NSD3: variants seen among roughly 807,000 people sequenced by gnomAD.
NSD3 encodes histone-lysine N-methyltransferase NSD3.
A neutral mutation model predicts 160.8 loss-of-function variants in NSD3; 24 were observed. That is an observed-to-expected ratio of 0.15 (90% CI 0.11 to 0.21). NSD3 has a LOEUF of 0.21. Among genes scored for constraint, NSD3 ranks in the 10% least tolerant of loss-of-function variants. The pLI is 1.00. For missense variants in NSD3, 1,157 were observed against 1,735.9 expected (o/e 0.67, Z 5.93); for synonymous variants, 520 against 600.0 (o/e 0.87, Z 1.95).
At chr8:38,287,713 C>T (rs981506581) in intron 19 of NSD3, among the ~76,000 whole-genome samples, 3 of 150,658 alleles carry the variant, frequency 2.0e-5, no homozygotes, top group Non-Finnish European at 2.9e-5. Flanking sequence ...AGTGCGGTGG[C>T]ACGATCTCAA....
At position 38,305,426 on chromosome 8, in the gene NSD3, C is replaced by T. The variant is rs370657767; in HGVS notation, c.2262G>A (p.Ser754=). The change falls in exon 13 of 24, where the codon TCG becomes TCA. Residue 754 remains serine (S), a synonymous_variant. Transcript: ENST00000317025. ...TCACATCTTTACCAGACACTTTACA[C>T]GAAAAACATGGGTGCTGCCCTGGAA... ...ECKTGQHPCF[S]CKVSGKDVKR... The T allele has an allele frequency of 1.5e-4, 241 of 1,613,986 alleles. 1 individual carries two copies. Among genetic ancestry groups the T allele is most frequent in the African/African-American group, 1.3e-3 (99 of 74,984 alleles).
At chr8:38,362,174 G>C (rs1810982433) in intron 1 of NSD3, among the ~76,000 whole-genome samples, 1 of 139,718 alleles carries the variant, frequency 7.2e-6, no homozygotes, top group Admixed American at 8.1e-5. Context: ...GTTCATCCTT[G>C]AATTCCCAGA....
intron 1 of NSD3, among the ~76,000 whole-genome samples, chr8:38,351,446 C>T (rs536872762): frequency 1.3e-5 from 2 of 150,840 alleles, no homozygotes; most frequent in African/African-American, 2.4e-5. Flanking sequence ...GGGTGGATCA[C>T]GAGGTCAGGA....
chr8:38,368,720 T>C (rs1009953691), intron 1 of NSD3, among the ~76,000 whole-genome samples: 3 of 152,214 alleles, frequency 2.0e-5, no homozygotes, highest in African/African-American at 4.8e-5. Flanking sequence ...CTTCGCTTTG[T>C]TGCTGACCAC....
chr8:38,365,390 T>A (rs1399834730), intron 1 of NSD3, among the ~76,000 whole-genome samples: 3 of 152,236 alleles, frequency 2.0e-5, no homozygotes, highest in Non-Finnish European at 4.4e-5. Context: ...AAGATTCTAG[T>A]CTCATGGAGC....
chr8:38,317,134 CTGAG>C lies in NSD3; in HGVS notation c.1856-1096_1856-1093del, dbSNP rs994400992. 2 of 1,062,524 alleles carry C rather than the reference CTGAG, an allele frequency of 1.9e-6. No homozygotes were observed. The highest frequency in any genetic ancestry group is 2.3e-6 in the Non-Finnish European group (2 of 877,552). The allele number at this position is 1,062,524 out of a possible 1,614,324, so 65.8% of individuals were successfully genotyped here. On this transcript the variant is annotated intron_variant, in intron 9 of 23. Transcript: ENST00000317025. The surrounding 1 kb of genome is among the most constrained non-coding windows in gnomAD (Gnocchi z 5.3). ...TGAGGCCATGAAGATCCGCAACAGG[CTGAG>C]TGAGAGTAGCACTTGGAACATAGCC...
Position 38,305,416 on chromosome 8 carries a change from A to G in NSD3, c.2272T>C (p.Ser758Pro), listed in dbSNP as rs538975607. 25 of 1,614,054 alleles carry G rather than the reference A, an allele frequency of 1.5e-5. No homozygotes were observed. The highest frequency in any genetic ancestry group is 2.1e-5 in the Non-Finnish European group (25 of 1,180,034). ...GQHPCFSCKV[S>P]GKDVKRCSVG... Reference sequence around the variant, plus strand: ...GAACAACGCTTCACATCTTTACCAGACACTTTACACGAAAAACATGGGTGC... The same window carrying G: ...GAACAACGCTTCACATCTTTACCAGGCACTTTACACGAAAAACATGGGTGC... Residue 758 changes from serine to proline, a missense_variant, in exon 13 of 24, where the codon TCT (serine) becomes CCT (proline). Physicochemically the swap from Ser to Pro is moderately conservative, Grantham distance 74 (BLOSUM62 -1). Around this residue, in one of 10 missense-constraint regions of NSD3, gnomAD observed 437 missense variants for 576.6 expected, o/e 0.76. Coordinates refer to ENST00000317025, the MANE Select transcript of NSD3 (RefSeq NM_023034.2).
chr8:38,291,776 A>G (rs1469053239), intron 16 of NSD3, among the ~76,000 whole-genome samples: 1 of 152,242 alleles, frequency 6.6e-6, no homozygotes, highest in African/African-American at 2.4e-5. Flanking sequence ...GAAGAGTCAC[A>G]TGTTCTGCCT....
intron 1 of NSD3, among the ~76,000 whole-genome samples, chr8:38,379,600 T>TTTACAAAGTAAA (rs1793435518): frequency 6.6e-6 from 1 of 152,152 alleles, no homozygotes; most frequent in Admixed American, 6.5e-5. Flanking sequence ...AAAAGCCAGA[T>TTTACAAAGTAAA]TTACAAAGTA....
At chr8:38,301,779 A>G (rs1809283024) in intron 14 of NSD3, among the ~76,000 whole-genome samples, 1 of 152,262 alleles carries the variant, frequency 6.6e-6, no homozygotes, top group Non-Finnish European at 1.5e-5. Context: ...TGGAGAGATA[A>G]CTTCTTAGGG....
chr8:38,277,190 C>T (rs1808621201), intron 22 of NSD3, among the ~76,000 whole-genome samples: 1 of 152,222 alleles, frequency 6.6e-6, no homozygotes, highest in African/African-American at 2.4e-5. Flanking sequence ...AATCCGCCTG[C>T]CTTGGCCTCC....
intron 2 of NSD3, among the ~76,000 whole-genome samples, chr8:38,346,417 T>C (rs1161427756): frequency 6.8e-6 from 1 of 148,054 alleles, no homozygotes; most frequent in Non-Finnish European, 1.5e-5. Flanking sequence ...TATATATGTG[T>C]ATATATATAT....
chr8:38,349,154 A>C (rs1810606867), intron 1 of NSD3, among the ~76,000 whole-genome samples: 1 of 152,124 alleles, frequency 6.6e-6, no homozygotes, highest in African/African-American at 2.4e-5. Flanking sequence ...AATATATCCT[A>C]GATATACTTC....
intron 2 of NSD3, among the ~76,000 whole-genome samples, chr8:38,341,959 A>C (rs1810380337): frequency 6.6e-6 from 1 of 152,176 alleles, no homozygotes; most frequent in Non-Finnish European, 1.5e-5. Flanking sequence ...AAAACAAAAA[A>C]AAAAGGACTT....
chr8:38,366,572 C>T (rs1191869826), intron 1 of NSD3, among the ~76,000 whole-genome samples: 1 of 151,996 alleles, frequency 6.6e-6, no homozygotes, highest in East Asian at 1.9e-4. Flanking sequence ...CGCCACCACA[C>T]CTGGCTAATT....
intron 14 of NSD3, among the ~76,000 whole-genome samples, chr8:38,300,551 T>C (rs1809254207): frequency 6.6e-6 from 1 of 152,196 alleles, no homozygotes. Context: ...TGCCACAATA[T>C]AAAAGGATTA....
chr8:38,353,531 G>GCCTGA (rs1490551406), intron 1 of NSD3, among the ~76,000 whole-genome samples: 1 of 152,194 alleles, frequency 6.6e-6, no homozygotes, highest in African/African-American at 2.4e-5. Flanking sequence ...TCAGGCATAT[G>GCCTGA]TATTCAGAGA....
At chr8:38,327,446 G>C (rs2978068) in intron 6 of NSD3, among the ~76,000 whole-genome samples, 150,722 of 152,244 alleles carry the variant, frequency 0.99, 74,621 homozygotes, top group East Asian at 1. Context: ...CCTCTGCCTC[G>C]TCCCAGGTTC....
Position 38,275,848 on chromosome 8 carries a change from C to T in NSD3, c.4107G>A (p.Glu1369=), listed in dbSNP as rs1408139783. 4 of 1,614,054 alleles carry T rather than the reference C, an allele frequency of 2.5e-6. No homozygotes were observed. The highest frequency in any genetic ancestry group is 3.4e-6 in the Non-Finnish European group (4 of 1,180,040). Residue 1369 remains glutamate (E), a synonymous_variant, in exon 24 of 24, where the codon GAG becomes GAA. Coordinates refer to ENST00000317025, the MANE Select transcript of NSD3 (RefSeq NM_023034.2). ...AGAAGGAAACAGCTGCACTGCTGCA[C>T]TCATCGCACTGATGCCACGGACACT... The part of the protein sequence containing the change: ...KWECPWHQCD[E]CSSAAVSFCE...
Sources: gnomAD v4.1 joint callset for allele counts (sites outside exome capture counted in the v4.1 genomes callset) on GRCh38, gnomAD v4.1.1 for gene constraint, gnomAD v4.1.1 regional missense constraint, Gnocchi (gnomAD v3.1) non-coding constraint, MANE v1.5 for transcripts, NCBI Gene and HGNC (gene_info 2026-07-23, HGNC 2026-07-21) for gene names.